SPTLC1: variants seen among roughly 807,000 people sequenced by gnomAD.
The protein encoded by SPTLC1 is serine palmitoyltransferase long chain base subunit 1.
Under a neutral mutation model 68.9 loss-of-function variants are expected in SPTLC1, and 55 were observed. The ratio of observed to expected loss-of-function variants is 0.80; its 90% CI spans 0.64 to 1.00. The LOEUF is 1.00. SPTLC1 is among the 50% of genes least tolerant of loss of function. The pLI is 0.00. For missense variants in SPTLC1, 449 were observed against 573.1 expected (o/e 0.78, Z 2.21); for synonymous variants, 197 against 201.6 (o/e 0.98, Z 0.19).
At chr9:92,104,637 T>C in intron 3 of SPTLC1, 1 of 1,497,226 alleles carries the variant, frequency 6.7e-7, no homozygotes, top group Non-Finnish European at 9.0e-7. Context: ...CCAGCCAGGC[T>C]CCCGAAGATG....
intron 3 of SPTLC1, among the ~76,000 whole-genome samples, chr9:92,081,314 C>A (rs946263683): frequency 6.6e-6 from 1 of 152,026 alleles, no homozygotes; most frequent in Admixed American, 6.6e-5. Flanking sequence ...ATAAGCCAAA[C>A]AGGAAGAAAA....
At chr9:92,054,696 T>G (rs1331351625) in intron 8 of SPTLC1, among the ~76,000 whole-genome samples, 1 of 152,192 alleles carries the variant, frequency 6.6e-6, no homozygotes, top group Non-Finnish European at 1.5e-5. Flanking sequence ...GGGCAGATCA[T>G]GAGGTCAAGA....
chr9:92,068,054 T>A lies in SPTLC1; in HGVS notation c.472A>T (p.Thr158Ser), dbSNP rs779810169. The A allele has an allele frequency of 1.5e-5, 25 of 1,614,104 alleles. No individual in the cohort carries two copies. Among genetic ancestry groups the A allele is most frequent in the Middle Eastern group, 1.6e-4 (1 of 6,062 alleles). Residue 158 changes from threonine to serine, a missense_variant, in exon 6 of 15, where the codon ACA becomes TCA. Around this residue, in one of 3 missense-constraint regions of SPTLC1, gnomAD observed 391 missense variants for 472.1 expected, o/e 0.83. Transcript: ENST00000262554. ...TATGAGTATATAATGGCTTCTTCTG[T>A]CTTCATAAATTTTGCCAGGCGGTCT... ...LEDRLAKFMK[T>S]EEAIIYSYGF...
chr9:92,079,608 C>T, intron 5 of SPTLC1: 2 of 1,536,552 alleles, frequency 1.3e-6, no homozygotes, highest in Non-Finnish European at 1.8e-6. Context: ...CCCCTCCCTC[C>T]ACCCCAGGCA....
At chr9:92,081,477 G>C (rs756178750) in intron 3 of SPTLC1, among the ~76,000 whole-genome samples, 5 of 152,212 alleles carry the variant, frequency 3.3e-5, no homozygotes, top group Non-Finnish European at 7.3e-5. Flanking sequence ...TGCTGTTGAA[G>C]AGGAATCCTC....
chr9:92,052,397 C>T (rs757460747), intron 8 of SPTLC1, among the ~76,000 whole-genome samples: 8 of 152,148 alleles, frequency 5.3e-5, no homozygotes, highest in Non-Finnish European at 8.8e-5. Context: ...AAAATTGGAC[C>T]TCTTCATCAA....
rs139451883 is a variant in SPTLC1 at position 92,074,532 on chromosome 9, C to T, written c.427+5484G>A. The stretch of plus-strand genomic sequence containing the variant: ...AAAGTATGGGATACCTCCACTCCTT[C>T]GCCTGCAACTGATCATTCACCCCTT... On this transcript the variant is annotated intron_variant, in intron 5 of 14. Transcript: ENST00000262554. 2.1e-3 allele frequency among the ~76,000 whole-genome samples: 327 copies of T among 152,176 alleles called. 1 individual carries two copies. Among genetic ancestry groups the T allele is most frequent in the African/African-American group, 7.4e-3 (305 of 41,478 alleles).
At chr9:92,095,610 T>C (rs988364816) in intron 3 of SPTLC1, among the ~76,000 whole-genome samples, 4 of 152,204 alleles carry the variant, frequency 2.6e-5, no homozygotes, top group Admixed American at 1.3e-4. Context: ...CCACTTAATA[T>C]CAGCTAACAT....
intron 5 of SPTLC1, 45 bp from the exon 6 acceptor site, chr9:92,068,143 C>G: frequency 6.3e-7 from 1 of 1,576,388 alleles, no homozygotes; most frequent in Non-Finnish European, 8.7e-7. Flanking sequence ...CCTTATAATT[C>G]TTTTTCTCTA....
At chr9:92,108,502 CAT>C (rs1443171113) in intron 3 of SPTLC1, 17 of 475,180 alleles carry the variant, frequency 3.6e-5, no homozygotes, top group Admixed American at 6.9e-5. Flanking sequence ...GAAATATTAA[CAT>C]GTGTGCATTC....
intron 8 of SPTLC1, among the ~76,000 whole-genome samples, chr9:92,054,591 G>A (rs559972549): frequency 2.1e-4 from 32 of 152,064 alleles, no homozygotes; most frequent in Non-Finnish European, 3.4e-4. Flanking sequence ...TATTTTATAC[G>A]TTGATTTCAC....
chr9:92,106,368 A>G (rs12343974), intron 3 of SPTLC1, among the ~76,000 whole-genome samples: 28,238 of 151,010 alleles, frequency 0.19, 4,568 homozygotes, highest in African/African-American at 0.43. Flanking sequence ...CAGCTACTCG[A>G]GAGGCTGAGG....
chr9:92,104,683 G>A, intron 3 of SPTLC1: 2 of 1,527,196 alleles, frequency 1.3e-6, no homozygotes, highest in East Asian at 2.4e-5. Flanking sequence ...AAGCAACGGA[G>A]GTGAAAGACC....
chr9:92,103,635 C>T (rs1314619432), intron 3 of SPTLC1, among the ~76,000 whole-genome samples: 1 of 152,216 alleles, frequency 6.6e-6, no homozygotes, highest in Non-Finnish European at 1.5e-5. Context: ...CAGGGCACCG[C>T]GTCCTCTCTT....
At chr9:92,052,353 G>A (rs1833728159) in intron 8 of SPTLC1, among the ~76,000 whole-genome samples, 1 of 152,122 alleles carries the variant, frequency 6.6e-6, no homozygotes, top group Admixed American at 6.5e-5. Context: ...AACAAATGAT[G>A]CAGGCAAAAC....
intron 3 of SPTLC1, among the ~76,000 whole-genome samples, chr9:92,081,495 T>C (rs1421498899): frequency 6.6e-6 from 1 of 152,118 alleles, no homozygotes; most frequent in Non-Finnish European, 1.5e-5. Flanking sequence ...CTCACACTCC[T>C]GGGGAGCGGG....
intron 12 of SPTLC1, among the ~76,000 whole-genome samples, chr9:92,044,971 C>A (rs1355800874): frequency 6.6e-6 from 1 of 152,186 alleles, no homozygotes; most frequent in Non-Finnish European, 1.5e-5. Flanking sequence ...AAGGCTAGCA[C>A]TGATGCATTT....
At chr9:92,089,616 T>C (rs1172168143) in intron 3 of SPTLC1, among the ~76,000 whole-genome samples, 4 of 151,990 alleles carry the variant, frequency 2.6e-5, no homozygotes, top group African/African-American at 4.8e-5. Context: ...GTAGAGGATA[T>C]GAAGGTTAAA....
At chr9:92,087,064 T>G (rs1453361497) in intron 3 of SPTLC1, among the ~76,000 whole-genome samples, 1 of 152,166 alleles carries the variant, frequency 6.6e-6, no homozygotes, top group Non-Finnish European at 1.5e-5. Flanking sequence ...ATTCTTCACA[T>G]AGTTCTCGAG....
Sources: gnomAD v4.1 joint callset for allele counts (sites outside exome capture counted in the v4.1 genomes callset) on GRCh38, gnomAD v4.1.1 for gene constraint, gnomAD v4.1.1 regional missense constraint, MANE v1.5 for transcripts, NCBI Gene and HGNC (gene_info 2026-07-23, HGNC 2026-07-21) for gene names.